CELF4: variants seen among roughly 807,000 people sequenced by gnomAD.
The protein encoded by CELF4 is CUG-BP- and ETR-3-like factor 4.
CELF4 carries 18 observed loss-of-function variants against 59.9 expected under a neutral mutation model. The observed-to-expected ratio is 0.30, with a 90% CI of 0.21 to 0.45. The LOEUF is 0.45. Ranked by LOEUF, CELF4 falls within the 20% of genes least tolerant of loss-of-function variation. The pLI is 1.00. For synonymous variants in CELF4, 261 were observed against 267.1 expected (o/e 0.98, Z 0.22); for missense variants, 456 against 689.0 (o/e 0.66, Z 3.79).
chr18:37,521,158 C>T (rs1363267937), intron 1 of CELF4, among the ~76,000 whole-genome samples: 1 of 152,144 alleles, frequency 6.6e-6, no homozygotes, highest in East Asian at 1.9e-4. Flanking sequence ...GTGACTGTGG[C>T]CCTATCACTC....
intron 1 of CELF4, among the ~76,000 whole-genome samples, chr18:37,499,567 G>A (rs1221931575): frequency 6.6e-6 from 1 of 152,194 alleles, no homozygotes; most frequent in East Asian, 1.9e-4. Flanking sequence ...ACTCTCAACC[G>A]TGTTACCTGT....
chr18:37,490,325 T>A (rs2099897323), intron 1 of CELF4, among the ~76,000 whole-genome samples: 1 of 152,126 alleles, frequency 6.6e-6, no homozygotes, highest in Admixed American at 6.5e-5. Flanking sequence ...TTGTTTTGTT[T>A]GACACATTTA....
intron 1 of CELF4, among the ~76,000 whole-genome samples, chr18:37,534,632 C>T (rs1424339333): frequency 2.6e-5 from 4 of 152,112 alleles, no homozygotes; most frequent in East Asian, 3.9e-4. Context: ...ATTCAACCGA[C>T]GAACTTCACT....
At chr18:37,408,495 G>GGGGC (rs1557416137) in intron 2 of CELF4, among the ~76,000 whole-genome samples, 9,048 of 119,282 alleles carry the variant, frequency 0.076, 584 homozygotes, top group Middle Eastern at 0.16. Flanking sequence ...TTGGTGCCGG[G>GGGGC]GGGGGGCGCG....
At chr18:37,529,668 A>G (rs2099967466) in intron 1 of CELF4, among the ~76,000 whole-genome samples, 1 of 152,148 alleles carries the variant, frequency 6.6e-6, no homozygotes, top group South Asian at 2.1e-4. Context: ...ACTTCTAGAC[A>G]AGCCAGGGAG....
chr18:37,557,065 T>C (rs999928591), intron 1 of CELF4, among the ~76,000 whole-genome samples: 7 of 152,196 alleles, frequency 4.6e-5, no homozygotes, highest in African/African-American at 1.4e-4. Context: ...GCATCATCTA[T>C]GCATGCTTCA....
chr18:37,347,311 G>A (rs2098295971), intron 2 of CELF4, among the ~76,000 whole-genome samples: 1 of 152,122 alleles, frequency 6.6e-6, no homozygotes. Flanking sequence ...TGGCCACGAA[G>A]GGAAGATTCA....
At chr18:37,383,702 G>A (rs1247204607) in intron 2 of CELF4, among the ~76,000 whole-genome samples, 1 of 152,182 alleles carries the variant, frequency 6.6e-6, no homozygotes, top group Non-Finnish European at 1.5e-5. Flanking sequence ...TTGTGAGGCA[G>A]GGAAGTCGGG....
At chr18:37,259,285 G>A in intron 10 of CELF4, 21 bp from the exon 11 acceptor site, 1 of 955,944 alleles carries the variant, frequency 1.0e-6, no homozygotes, top group Middle Eastern at 3.0e-4. Flanking sequence ...GGGAGGGGGT[G>A]GGCGGGGGAG....
intron 1 of CELF4, among the ~76,000 whole-genome samples, chr18:37,498,044 A>C (rs1217341240): frequency 5.3e-5 from 8 of 152,058 alleles, no homozygotes; most frequent in Non-Finnish European, 1.2e-4. Flanking sequence ...AGGTTACTCA[A>C]CTCTGCCTGG....
intron 2 of CELF4, among the ~76,000 whole-genome samples, chr18:37,439,414 T>C (rs769788247): frequency 1.4e-4 from 21 of 152,174 alleles, no homozygotes; most frequent in Non-Finnish European, 2.2e-4. Flanking sequence ...TATGCATGCA[T>C]GCATGTGTGT....
chr18:37,484,900 C>G (rs1019684585), intron 2 of CELF4, among the ~76,000 whole-genome samples: 1 of 152,200 alleles, frequency 6.6e-6, no homozygotes, highest in Non-Finnish European at 1.5e-5. Flanking sequence ...TCCCCCCTCA[C>G]CACCGCCCCA....
intron 8 of CELF4, among the ~76,000 whole-genome samples, chr18:37,267,574 G>A (rs1054248601): frequency 6.6e-6 from 1 of 152,186 alleles, no homozygotes; most frequent in Non-Finnish European, 1.5e-5. Flanking sequence ...GGGAAAACTG[G>A]ATAACACGAT....
intron 2 of CELF4, among the ~76,000 whole-genome samples, chr18:37,345,504 C>T (rs1198887135): frequency 6.6e-6 from 1 of 152,024 alleles, no homozygotes; most frequent in African/African-American, 2.4e-5. Flanking sequence ...GCCTTAGAGA[C>T]CTCGGTTGCA....
chr18:37,490,353 TG>T (rs1338183666), intron 1 of CELF4, among the ~76,000 whole-genome samples: 1 of 152,114 alleles, frequency 6.6e-6, no homozygotes, highest in Non-Finnish European at 1.5e-5. Context: ...AATGTATTCA[TG>T]TATCACTTGC....
chr18:37,544,802 G>C (rs967179893), intron 1 of CELF4, among the ~76,000 whole-genome samples: 1 of 152,168 alleles, frequency 6.6e-6, no homozygotes, highest in Non-Finnish European at 1.5e-5. Context: ...GAGGAAGAAA[G>C]CTGAGCCCCA....
At chr18:37,339,219 G>T (rs1207258017) in intron 2 of CELF4, among the ~76,000 whole-genome samples, 1 of 152,200 alleles carries the variant, frequency 6.6e-6, no homozygotes, top group African/African-American at 2.4e-5. Flanking sequence ...GCCAAGCCTG[G>T]AGATGATATT....
intron 1 of CELF4, among the ~76,000 whole-genome samples, chr18:37,496,642 T>C (rs1421060458): frequency 6.6e-6 from 1 of 152,224 alleles, no homozygotes; most frequent in African/African-American, 2.4e-5. Flanking sequence ...GGATCAATGT[T>C]TGGAAAATGT....
In CELF4 at chr18:37,381,281, A is replaced by C. The variant is rs149478694; in HGVS notation, c.370-59400T>G. ...CAGGTAGGAGTAAAGAATGTAAGCA[A>C]TCTATTAGGCAATTATGTCACAAAA... On this transcript the variant is annotated intron_variant, in intron 2 of 12. Transcript: ENST00000420428. Among the ~76,000 whole-genome samples, 941 of 152,330 alleles carry C rather than the reference A, an allele frequency of 6.2e-3. 17 individuals carry two copies. Among genetic ancestry groups the C allele is most frequent in the African/African-American group, 0.022 (905 of 41,560 alleles).
Sources: allele counts gnomAD v4.1 joint callset (sites outside exome capture counted in the v4.1 genomes callset), GRCh38; gene constraint gnomAD v4.1.1; transcripts MANE v1.5; gene names NCBI Gene and HGNC (gene_info 2026-07-23, HGNC 2026-07-21).